The following TMEM178B variants were observed in gnomAD, a reference collection of about 807,000 sequenced individuals.
The protein encoded by TMEM178B is transmembrane protein 178B.
A neutral mutation model predicts 31.0 loss-of-function variants in TMEM178B; 5 were observed. That is an observed-to-expected ratio of 0.16 (90% CI 0.08 to 0.34). The LOEUF is 0.34. TMEM178B is among the 10% of genes least tolerant of loss of function. The pLI, the probability that TMEM178B is intolerant of heterozygous loss-of-function variation, is 1.00. For missense variants in TMEM178B, 275 were observed against 400.3 expected, an observed-to-expected ratio of 0.69 and a Z score of 2.67; for synonymous variants, 164 against 164.0, an observed-to-expected ratio of 1.00 and a Z score of 0.00.
intron 1 of TMEM178B, among the ~76,000 whole-genome samples, chr7:141,186,483 T>C (rs1796611802): frequency 6.6e-6 from 1 of 152,234 alleles, no homozygotes; most frequent in African/African-American, 2.4e-5. Context: ...TTCTTCCTTG[T>C]CCATCTCCCT....
intron 3 of TMEM178B, among the ~76,000 whole-genome samples, chr7:141,456,582 C>T (rs1801968645): frequency 6.6e-6 from 1 of 152,162 alleles, no homozygotes; most frequent in Non-Finnish European, 1.5e-5. Context: ...AAAAGCCTTG[C>T]ATGGTACCTA....
chr7:141,380,092 G>A lies in TMEM178B; in HGVS notation c.497-57516G>A, dbSNP rs796318763. Among the ~76,000 whole-genome samples the A allele has an allele frequency of 5.2e-4, 79 of 152,176 alleles. 1 individual carries two copies. Among genetic ancestry groups the A allele is most frequent in the Admixed American group, 3.1e-3 (47 of 15,294 alleles). On this transcript the variant is annotated intron_variant, in intron 2 of 3. Transcript: ENST00000565468. ...TATAAATCTAAAAACAAATTTAGTC[G>A]AATTTTAAAAATGCATATTTCAGCG...
intron 2 of TMEM178B, among the ~76,000 whole-genome samples, chr7:141,213,312 C>T (rs1292856447): frequency 6.6e-6 from 1 of 152,216 alleles, no homozygotes; most frequent in Admixed American, 6.5e-5. Context: ...CAGGGATCCT[C>T]AGAGACTTAA....
chr7:141,112,901 A>C (rs1355159101), intron 1 of TMEM178B, among the ~76,000 whole-genome samples: 2 of 152,206 alleles, frequency 1.3e-5, no homozygotes, highest in Admixed American at 1.3e-4. Flanking sequence ...TTACTCCTCT[A>C]GCCCCTCATG....
rs1239459678 is a variant in TMEM178B at position 141,344,588 on chromosome 7, CT to C, written c.497-93018del. Among the ~76,000 whole-genome samples the C allele has an allele frequency of 3.1e-5, 4 of 127,122 alleles. No individual in the cohort carries two copies. Among genetic ancestry groups the C allele is most frequent in the South Asian group, 2.9e-4 (1 of 3,426 alleles). The allele number at this position is 127,122 out of a possible 152,430, so 83.4% of individuals were successfully genotyped here. A position where few individuals can be genotyped will look rare whatever the true frequency, so the allele number is the denominator to read the frequency against. On this transcript the variant is annotated intron_variant, in intron 2 of 3. Transcript: ENST00000565468. This position sits in a 1 kb window ranked among gnomAD's most constrained non-coding sequence, Gnocchi z 4.1. Reference sequence around the variant, plus strand: ...TCCTCCCTCCTCCCTTCCTTCCTTCCTTCCTTCCTTCCTTCCTTCCTTCCTT... The same window carrying C: ...TCCTCCCTCCTCCCTTCCTTCCTTCCTCCTTCCTTCCTTCCTTCCTTCCTT...
intron 1 of TMEM178B, among the ~76,000 whole-genome samples, chr7:141,084,273 C>A (rs1794741538): frequency 6.6e-6 from 1 of 152,058 alleles, no homozygotes; most frequent in South Asian, 2.1e-4. Flanking sequence ...TTAAGGAGTA[C>A]CAATATATAA....
chr7:141,493,102 T>C, the TMEM178B span, among the ~76,000 whole-genome samples: 39 of 152,298 alleles, frequency 2.6e-4, no homozygotes, highest in African/African-American at 8.7e-4. Context: ...CATGGGCAGC[T>C]GAGAACACTG....
chr7:141,160,679 A>G (rs896321294), intron 1 of TMEM178B, among the ~76,000 whole-genome samples: 2 of 152,068 alleles, frequency 1.3e-5, no homozygotes, highest in African/African-American at 4.8e-5. Context: ...CATGGGGCAT[A>G]TGTTCTGCAC....
chr7:141,500,599 C>A, the TMEM178B span, among the ~76,000 whole-genome samples: 17 of 152,226 alleles, frequency 1.1e-4, no homozygotes, highest in South Asian at 2.3e-3. Context: ...GCCGTGTAGT[C>A]CTACGGAATT....
chr7:141,201,072 A>G (rs1796869399), intron 1 of TMEM178B, among the ~76,000 whole-genome samples: 1 of 152,226 alleles, frequency 6.6e-6, no homozygotes. Context: ...AATATTAAAA[A>G]AAACTGAAAA....
At chr7:141,296,219 C>T (rs10808014) in intron 2 of TMEM178B, among the ~76,000 whole-genome samples, 58,630 of 151,462 alleles carry the variant, frequency 0.39, 12,100 homozygotes, top group Admixed American at 0.48. Context: ...AGTTGCGTAC[C>T]ATCACGCTCG....
chr7:141,183,514 A>G (rs1796562582), intron 1 of TMEM178B, among the ~76,000 whole-genome samples: 1 of 152,186 alleles, frequency 6.6e-6, no homozygotes, highest in Admixed American at 6.5e-5. Flanking sequence ...TCTGATTTCA[A>G]ACAATTTAGA....
intron 2 of TMEM178B, among the ~76,000 whole-genome samples, chr7:141,353,181 C>T (rs1304106322): frequency 6.6e-6 from 1 of 152,198 alleles, no homozygotes; most frequent in Non-Finnish European, 1.5e-5. Flanking sequence ...ATCTCTCCTT[C>T]TCTGCCAACA....
chr7:141,196,814 G>C (rs1796790749), intron 1 of TMEM178B, among the ~76,000 whole-genome samples: 1 of 152,178 alleles, frequency 6.6e-6, no homozygotes, highest in Non-Finnish European at 1.5e-5. Flanking sequence ...TCTTCAAGGG[G>C]CCTGGAAATC....
At chr7:141,487,609 C>T in the TMEM178B span, among the ~76,000 whole-genome samples, 1 of 151,526 alleles carries the variant, frequency 6.6e-6, no homozygotes, top group Non-Finnish European at 1.5e-5. Context: ...GGTGTGGGGG[C>T]GCATGTCTGC....
At chr7:141,384,468 A>G (rs1292839168) in intron 2 of TMEM178B, among the ~76,000 whole-genome samples, 5 of 152,244 alleles carry the variant, frequency 3.3e-5, no homozygotes, top group African/African-American at 4.8e-5. Flanking sequence ...TTTATTAAAT[A>G]GGGAATCCTT....
the TMEM178B span, among the ~76,000 whole-genome samples, chr7:141,487,848 A>G: frequency 6.6e-6 from 1 of 151,970 alleles, no homozygotes; most frequent in Non-Finnish European, 1.5e-5. Context: ...CAAAAAATGT[A>G]AAAATATAAA....
At chr7:141,493,074 A>G in the TMEM178B span, among the ~76,000 whole-genome samples, 4 of 152,136 alleles carry the variant, frequency 2.6e-5, no homozygotes, top group Non-Finnish European at 5.9e-5. Flanking sequence ...GTGAATCTCC[A>G]TCTTGCTCTT....
At chr7:141,105,894 A>G (rs1366297370) in intron 1 of TMEM178B, among the ~76,000 whole-genome samples, 1 of 152,134 alleles carries the variant, frequency 6.6e-6, no homozygotes, top group Non-Finnish European at 1.5e-5. Flanking sequence ...CAGGAGTTAG[A>G]GACCAGCCTG....
Sources: gnomAD v4.1 joint callset for allele counts (sites outside exome capture counted in the v4.1 genomes callset) on GRCh38, gnomAD v4.1.1 for gene constraint, Gnocchi (gnomAD v3.1) non-coding constraint, MANE v1.5 for transcripts, NCBI Gene and HGNC (gene_info 2026-07-23, HGNC 2026-07-21) for gene names.